TNFSF4: variants seen among roughly 807,000 people sequenced by gnomAD.
TNFSF4 encodes the protein tumor necrosis factor ligand superfamily member 4.
A neutral mutation model predicts 7.3 loss-of-function variants in TNFSF4; 4 were observed. The ratio of observed to expected loss-of-function variants is 0.55; its 90% CI spans 0.27 to 1.25. TNFSF4 has a LOEUF of 1.25. TNFSF4 is among the 50% of genes most tolerant of loss of function. The pLI is 0.12. For synonymous variants in TNFSF4, 76 were observed against 83.7 expected (o/e 0.91, Z 0.50); for missense variants, 181 against 208.8 (o/e 0.87, Z 0.82).
the TNFSF4 span, among the ~76,000 whole-genome samples, chr1:173,328,516 A>T: frequency 1.3e-5 from 2 of 151,710 alleles, no homozygotes; most frequent in Admixed American, 6.6e-5. Context: ...ATAATAAAAT[A>T]AAAAAATACA....
the TNFSF4 span, among the ~76,000 whole-genome samples, chr1:173,299,760 G>A: frequency 6.6e-6 from 1 of 151,810 alleles, no homozygotes; most frequent in African/African-American, 2.4e-5. Context: ...CTGTTTCTCA[G>A]ACTGTGGTAA....
the TNFSF4 span, among the ~76,000 whole-genome samples, chr1:173,447,314 A>G: frequency 6.6e-6 from 1 of 152,314 alleles, no homozygotes; most frequent in South Asian, 2.1e-4. Context: ...TGGTGGCTAT[A>G]TGTCATTATA....
rs1649192555 is a variant in TNFSF4 at position 173,185,701 on chromosome 1, T to C, written c.*815A>G. The C allele has an allele frequency of 6.6e-6, 1 of 152,204 alleles. No homozygotes were observed. 9.4% of individuals were successfully genotyped at this position (152,204 alleles called of 1,614,324 possible). A position where few individuals can be genotyped will look rare whatever the true frequency, so the allele number is the denominator to read the frequency against. On this transcript the variant is annotated 3_prime_UTR_variant, in exon 3 of 3. Coordinates refer to ENST00000281834, the MANE Select transcript of TNFSF4 (RefSeq NM_003326.5). ...CTGACTTTTACCCTGAGATGTCCAG[T>C]TCCCTGCTATCCTGTACAGTAAAGC...
chr1:173,399,147 G>A, the TNFSF4 span, among the ~76,000 whole-genome samples: 1 of 152,044 alleles, frequency 6.6e-6, no homozygotes, highest in Admixed American at 6.6e-5. Context: ...TATGGGACTG[G>A]GTCTGAACAG....
At chr1:173,417,692 C>G in the TNFSF4 span, 1 of 152,192 alleles carries the variant, frequency 6.6e-6, no homozygotes, top group African/African-American at 2.4e-5. Context: ...TCACCTCCCT[C>G]TTTTTAGTAC....
At chr1:173,421,942 G>A in the TNFSF4 span, among the ~76,000 whole-genome samples, 2 of 152,162 alleles carry the variant, frequency 1.3e-5, no homozygotes, top group Non-Finnish European at 2.9e-5. Flanking sequence ...ATATCTTCCA[G>A]TATTTGAGTG....
chr1:173,225,094 T>C, the TNFSF4 span, among the ~76,000 whole-genome samples: 1 of 152,304 alleles, frequency 6.6e-6, no homozygotes, highest in Middle Eastern at 3.4e-3. Flanking sequence ...CAGAACTGTG[T>C]CTCATACTCC....
chr1:173,240,429 T>A, the TNFSF4 span, among the ~76,000 whole-genome samples: 1 of 152,338 alleles, frequency 6.6e-6, no homozygotes, highest in South Asian at 2.1e-4. Context: ...TCAATTTAAA[T>A]AAAAGCAATT....
chr1:173,375,092 T>C, the TNFSF4 span, among the ~76,000 whole-genome samples: 15 of 152,194 alleles, frequency 9.9e-5, no homozygotes, highest in Non-Finnish European at 2.2e-4. Flanking sequence ...ACATGGCTTC[T>C]CCCCTTTCTA....
the TNFSF4 span, among the ~76,000 whole-genome samples, chr1:173,281,952 T>C: frequency 5.9e-5 from 9 of 152,190 alleles, no homozygotes; most frequent in Admixed American, 3.9e-4. Flanking sequence ...AGTCTTTTCA[T>C]GCACAACCTC....
the TNFSF4 span, among the ~76,000 whole-genome samples, chr1:173,450,560 A>G: frequency 5.8e-4 from 88 of 151,958 alleles, no homozygotes; most frequent in East Asian, 0.013. Context: ...TATTTAAAAG[A>G]TATTAATAAT....
chr1:173,209,252 T>TAC (rs909809759), upstream of TNFSF4, among the ~76,000 whole-genome samples: 5 of 152,184 alleles, frequency 3.3e-5, no homozygotes, highest in African/African-American at 9.6e-5. Context: ...TGGGAAGAGA[T>TAC]ACACACACAC....
the TNFSF4 span, among the ~76,000 whole-genome samples, chr1:173,313,153 A>G: frequency 6.6e-6 from 1 of 152,120 alleles, no homozygotes; most frequent in Non-Finnish European, 1.5e-5. Flanking sequence ...AGGAGGAGAA[A>G]AGGGTCCCCC....
the TNFSF4 span, among the ~76,000 whole-genome samples, chr1:173,442,551 G>T: frequency 0.87 from 104,276 of 119,196 alleles, 45,730 homozygotes; most frequent in Middle Eastern, 0.96. Context: ...TTTTGTTTTT[G>T]TTTTTTTTTT....
chr1:173,294,145 C>T, the TNFSF4 span, among the ~76,000 whole-genome samples: 7 of 152,054 alleles, frequency 4.6e-5, no homozygotes, highest in Non-Finnish European at 7.4e-5. Context: ...TTAAAAGATA[C>T]ATGCACTCGT....
the TNFSF4 span, among the ~76,000 whole-genome samples, chr1:173,415,341 A>C: frequency 6.6e-6 from 1 of 152,220 alleles, no homozygotes; most frequent in Non-Finnish European, 1.5e-5. Flanking sequence ...TGACACCTGA[A>C]AGTCCCATGG....
intron 1 of TNFSF4, among the ~76,000 whole-genome samples, chr1:173,201,201 A>G (rs2101997327): frequency 6.6e-6 from 1 of 152,322 alleles, no homozygotes; most frequent in African/African-American, 2.4e-5. Context: ...ACGTGCAGAC[A>G]CTGAACCTAA....
the TNFSF4 span, chr1:173,442,215 G>T: frequency 6.6e-6 from 1 of 152,226 alleles, no homozygotes; most frequent in African/African-American, 2.4e-5. Flanking sequence ...TGAATGCTGA[G>T]TTGGGAGTAA....
the TNFSF4 span, among the ~76,000 whole-genome samples, chr1:173,176,122 TG>T: frequency 6.6e-6 from 1 of 152,162 alleles, no homozygotes; most frequent in Non-Finnish European, 1.5e-5. Context: ...TAATTAGTAG[TG>T]GTGTAATTGC....
Sources: gnomAD v4.1 joint callset for allele counts (sites outside exome capture counted in the v4.1 genomes callset) on GRCh38, gnomAD v4.1.1 for gene constraint, MANE v1.5 for transcripts, NCBI Gene and HGNC (gene_info 2026-07-23, HGNC 2026-07-21) for gene names.